ZDHHC14: variants seen among roughly 807,000 people sequenced by gnomAD.
ZDHHC14 encodes the protein palmitoyltransferase ZDHHC14.
A neutral mutation model predicts 47.7 loss-of-function variants in ZDHHC14; 16 were observed. The observed-to-expected ratio is 0.34, with a 90% CI of 0.23 to 0.51. The LOEUF is 0.51. Among genes scored for constraint, ZDHHC14 ranks in the 20% least tolerant of loss-of-function variants. ZDHHC14 has a pLI of 0.97. For synonymous variants in ZDHHC14, 293 were observed against 278.9 expected (o/e 1.05, Z -0.50); for missense variants, 515 against 662.5 (o/e 0.78, Z 2.44).
intron 1 of ZDHHC14, among the ~76,000 whole-genome samples, chr6:157,433,101 CTT>C (rs1364076411): frequency 6.6e-6 from 1 of 152,248 alleles, no homozygotes. Flanking sequence ...TGTGTGGTCA[CTT>C]TTCTTTGAGA....
At chr6:157,485,819 T>C (rs1779764271) in intron 1 of ZDHHC14, among the ~76,000 whole-genome samples, 1 of 152,112 alleles carries the variant, frequency 6.6e-6, no homozygotes, top group Admixed American at 6.5e-5. Context: ...AACACCAGCC[T>C]GGCCAACATG....
At chr6:157,533,346 A>G (rs1382260920) in intron 1 of ZDHHC14, among the ~76,000 whole-genome samples, 1 of 152,184 alleles carries the variant, frequency 6.6e-6, no homozygotes, top group Non-Finnish European at 1.5e-5. Context: ...TGGGAAGAGT[A>G]AAAGCTGGAA....
At chr6:157,559,556 C>T (rs1194999609) in intron 2 of ZDHHC14, among the ~76,000 whole-genome samples, 1 of 152,236 alleles carries the variant, frequency 6.6e-6, no homozygotes, top group Non-Finnish European at 1.5e-5. Flanking sequence ...GCCCAGCCAC[C>T]CTGCCATCTT....
intron 1 of ZDHHC14, among the ~76,000 whole-genome samples, chr6:157,516,761 C>T (rs1429206079): frequency 6.6e-6 from 1 of 152,214 alleles, no homozygotes; most frequent in Non-Finnish European, 1.5e-5. Context: ...TGGCAACCTT[C>T]TGTGGGCCTT....
chr6:157,414,619 C>T (rs1777938267), intron 1 of ZDHHC14, among the ~76,000 whole-genome samples: 1 of 152,164 alleles, frequency 6.6e-6, no homozygotes, highest in Non-Finnish European at 1.5e-5. Context: ...GCCAAGAGAC[C>T]TATGGGATGC....
chr6:157,455,563 C>A (rs964308029), intron 1 of ZDHHC14, among the ~76,000 whole-genome samples: 1 of 152,142 alleles, frequency 6.6e-6, no homozygotes, highest in Non-Finnish European at 1.5e-5. Context: ...GGCCTTTGTG[C>A]TTGCGTTTGT....
intron 8 of ZDHHC14, among the ~76,000 whole-genome samples, chr6:157,671,610 G>A (rs1205468851): frequency 6.6e-6 from 1 of 152,144 alleles, no homozygotes; most frequent in Non-Finnish European, 1.5e-5. Context: ...GGTGCCTGTC[G>A]CATAGCCTGG....
At chr6:157,405,678 C>A (rs1777745355) in intron 1 of ZDHHC14, among the ~76,000 whole-genome samples, 1 of 152,104 alleles carries the variant, frequency 6.6e-6, no homozygotes, top group Admixed American at 6.5e-5. Flanking sequence ...AATCATGGTG[C>A]ATTTTTGCAT....
intron 1 of ZDHHC14, among the ~76,000 whole-genome samples, chr6:157,503,136 G>C (rs1780227175): frequency 1.3e-5 from 2 of 152,218 alleles, no homozygotes. Context: ...ATGTTGGTCT[G>C]TGTGACAGTT....
At chr6:157,506,695 T>A (rs947103091) in intron 1 of ZDHHC14, among the ~76,000 whole-genome samples, 3 of 152,240 alleles carry the variant, frequency 2.0e-5, no homozygotes, top group African/African-American at 7.2e-5. Context: ...TTAACTTTAG[T>A]GAGCCTTCAT....
chr6:157,596,058 C>A (rs1333500654), intron 3 of ZDHHC14, among the ~76,000 whole-genome samples: 1 of 152,128 alleles, frequency 6.6e-6, no homozygotes, highest in Non-Finnish European at 1.5e-5. Context: ...TATGAGTGAT[C>A]TAAAATAAAG....
chr6:157,539,253 AT>A (rs1306612631), intron 1 of ZDHHC14, among the ~76,000 whole-genome samples: 1 of 151,990 alleles, frequency 6.6e-6, no homozygotes, highest in African/African-American at 2.4e-5. Context: ...CACACAAAAA[AT>A]TAGCCAGGTG....
chr6:157,404,058 A>G (rs1259665001), intron 1 of ZDHHC14, among the ~76,000 whole-genome samples: 2 of 152,256 alleles, frequency 1.3e-5, no homozygotes, highest in Non-Finnish European at 2.9e-5. Context: ...TCCATTTTAC[A>G]GATGAGAAAA....
At chr6:157,400,669 G>C (rs186217805) in intron 1 of ZDHHC14, among the ~76,000 whole-genome samples, 137 of 152,266 alleles carry the variant, frequency 9.0e-4, no homozygotes, top group African/African-American at 3.1e-3. Context: ...TGGATGTCAG[G>C]ATGCCTCGTA....
At chr6:157,442,309 G>A (rs530655704) in intron 1 of ZDHHC14, among the ~76,000 whole-genome samples, 4 of 152,230 alleles carry the variant, frequency 2.6e-5, no homozygotes, top group South Asian at 4.1e-4. Flanking sequence ...TTTGAGCCCC[G>A]GAGGTCAAGT....
At chr6:157,462,647 A>C (rs143100967) in intron 1 of ZDHHC14, among the ~76,000 whole-genome samples, 1 of 152,360 alleles carries the variant, frequency 6.6e-6, no homozygotes, top group East Asian at 1.9e-4. Context: ...CCTGCTTTGC[A>C]TTATAACTCT....
At chr6:157,599,832 C>T (rs957557335) in intron 3 of ZDHHC14, among the ~76,000 whole-genome samples, 2 of 152,146 alleles carry the variant, frequency 1.3e-5, no homozygotes, top group Non-Finnish European at 2.9e-5. Flanking sequence ...AAGAAATTAA[C>T]AAAGTGCAAG....
At chr6:157,592,807 G>A (rs1456069981) in intron 2 of ZDHHC14, 181 bp from the exon 3 acceptor site, 2 of 1,417,310 alleles carry the variant, frequency 1.4e-6, no homozygotes, top group South Asian at 1.7e-5. Flanking sequence ...GTGCAACGAA[G>A]GAGGCCGGGG....
intron 8 of ZDHHC14, among the ~76,000 whole-genome samples, chr6:157,663,280 G>A (rs1010771007): frequency 6.6e-6 from 1 of 152,232 alleles, no homozygotes. Flanking sequence ...GTCACATCTA[G>A]GACCAGAGAG....
Sources: allele counts gnomAD v4.1 joint callset (sites outside exome capture counted in the v4.1 genomes callset), GRCh38; gene constraint gnomAD v4.1.1; transcripts MANE v1.5; gene names NCBI Gene and HGNC (gene_info 2026-07-23, HGNC 2026-07-21).